Variants in PALD1 observed in about 807,000 individuals in gnomAD.
PALD1 encodes phosphatase domain containing paladin 1, also known as paladin.
Under a neutral mutation model 96.0 loss-of-function variants are expected in PALD1, and 57 were observed. The ratio of observed to expected loss-of-function variants is 0.59; its 90% CI spans 0.48 to 0.74. PALD1 has a LOEUF of 0.74. Ranked by LOEUF, PALD1 falls within the 30% of genes least tolerant of loss-of-function variation. The probability of loss-of-function intolerance (pLI) is 0.00; values close to 1 mark genes in which losing one functional copy is unlikely to be tolerated. For missense variants in PALD1, 1,063 were observed against 1,143.7 expected (o/e 0.93, Z 1.02); for synonymous variants, 464 against 473.6 (o/e 0.98, Z 0.26).
Position 70,534,476 on chromosome 10 carries a change from C to G in PALD1, c.1074C>G (p.Ile358Met). 3 of 1,613,124 alleles carry G rather than the reference C, an allele frequency of 1.9e-6. No homozygotes were observed. Among genetic ancestry groups the G allele is most frequent in the Non-Finnish European group, 1.7e-6 (2 of 1,179,660 alleles). ...KPLPMEQFQV[I>M]QSFLRMVPQG... The stretch of plus-strand genomic sequence containing the variant: ...TGCCTATGGAGCAGTTCCAGGTGAT[C>G]CAGAGCTTTCTCCGCATGGTGCCCC... The change falls in exon 9 of 20, where the codon ATC becomes ATG. Residue 358 changes from isoleucine to methionine, a missense_variant. Physicochemically the swap from Ile to Met is conservative, Grantham distance 10. Coordinates refer to ENST00000263563, the MANE Select transcript of PALD1 (RefSeq NM_014431.3).
intron 1 of PALD1, among the ~76,000 whole-genome samples, chr10:70,493,081 C>T (rs1021974392): frequency 6.6e-6 from 1 of 152,158 alleles, no homozygotes; most frequent in Non-Finnish European, 1.5e-5. Flanking sequence ...GGCTGCCTGC[C>T]CCCCTACCTT....
chr10:70,524,746 A>C (rs1435264722), intron 1 of PALD1, among the ~76,000 whole-genome samples: 1 of 152,096 alleles, frequency 6.6e-6, no homozygotes, highest in Non-Finnish European at 1.5e-5. Flanking sequence ...GCTGTTTAAC[A>C]TTCTACCCTA....
At chr10:70,489,761 TACA>T (rs373605643) in intron 1 of PALD1, among the ~76,000 whole-genome samples, 2 of 152,306 alleles carry the variant, frequency 1.3e-5, no homozygotes, top group African/African-American at 2.4e-5. Context: ...AGTCTAATTT[TACA>T]ACATTTTCAT....
intron 5 of PALD1, among the ~76,000 whole-genome samples, chr10:70,532,033 G>A (rs1847004130): frequency 6.6e-6 from 1 of 151,750 alleles, no homozygotes; most frequent in Admixed American, 6.6e-5. Flanking sequence ...AGTGAAAAGA[G>A]CGCTAGACCA....
upstream of PALD1, among the ~76,000 whole-genome samples, chr10:70,474,946 C>A (rs1404635770): frequency 6.6e-6 from 1 of 152,090 alleles, no homozygotes; most frequent in Non-Finnish European, 1.5e-5. Flanking sequence ...GGAGGAGGAA[C>A]CTGAACTCAG....
chr10:70,565,523 G>A (rs912692437), intron 19 of PALD1, among the ~76,000 whole-genome samples: 5 of 152,212 alleles, frequency 3.3e-5, no homozygotes, highest in African/African-American at 1.2e-4. Flanking sequence ...AGCAGGGGCC[G>A]GTGACCTGGC....
chr10:70,519,003 A>C (rs1263554572), intron 1 of PALD1, among the ~76,000 whole-genome samples: 2 of 152,252 alleles, frequency 1.3e-5, no homozygotes, highest in Non-Finnish European at 2.9e-5. Flanking sequence ...AGGAGCCCTG[A>C]GTCCCAATTC....
the PALD1 span, among the ~76,000 whole-genome samples, chr10:70,459,482 C>T: frequency 6.6e-6 from 1 of 152,004 alleles, no homozygotes; most frequent in East Asian, 1.9e-4. Context: ...GTCTGCTGTC[C>T]TCTGTGGCAC....
intron 1 of PALD1, among the ~76,000 whole-genome samples, chr10:70,508,827 GTGGGAGCTGCGGAACC>G (rs1432406633): frequency 1.3e-3 from 71 of 54,054 alleles, no homozygotes; most frequent in Non-Finnish European, 1.8e-3. Context: ...GTGCAGGCCT[GTGGGAGCTGCGGAACC>G]TGTGTGTGTG....
At chr10:70,508,854 TGTGC>T (rs1846457685) in intron 1 of PALD1, among the ~76,000 whole-genome samples, 25 of 122,370 alleles carry the variant, frequency 2.0e-4, no homozygotes, top group Middle Eastern at 4.8e-3. Flanking sequence ...TGTGTGTGTG[TGTGC>T]AGGCCTGTGG....
chr10:70,490,109 G>A (rs576541395), intron 1 of PALD1, among the ~76,000 whole-genome samples: 19 of 152,138 alleles, frequency 1.2e-4, no homozygotes, highest in Non-Finnish European at 2.6e-4. Flanking sequence ...TTTTAGTAGA[G>A]ATGAGGTTTC....
intron 1 of PALD1, among the ~76,000 whole-genome samples, chr10:70,505,620 AAAACAAAACAAAAC>A (rs1232541959): frequency 1.0e-5 from 1 of 98,562 alleles, no homozygotes; most frequent in Non-Finnish European, 2.3e-5. Flanking sequence ...AAAACAAAAC[AAAACAAAACAAAAC>A]AAAACAAAAC....
At chr10:70,552,970 C>A (rs998225959) in intron 18 of PALD1, among the ~76,000 whole-genome samples, 11 of 152,132 alleles carry the variant, frequency 7.2e-5, no homozygotes, top group Non-Finnish European at 1.3e-4. Flanking sequence ...TAGTTGCACC[C>A]CTAGGTTTAA....
At chr10:70,464,962 TA>T in the PALD1 span, among the ~76,000 whole-genome samples, 1 of 148,336 alleles carries the variant, frequency 6.7e-6, no homozygotes, top group African/African-American at 2.5e-5. Context: ...TGTATGTATG[TA>T]TGTATGTATG....
chr10:70,537,410 C>T (rs1847137123), intron 10 of PALD1, among the ~76,000 whole-genome samples: 1 of 152,230 alleles, frequency 6.6e-6, no homozygotes, highest in African/African-American at 2.4e-5. Context: ...AGCCAGGTTC[C>T]AGTTCTTAAG....
At chr10:70,485,975 G>T in intron 1 of PALD1, 1 of 197,778 alleles carries the variant, frequency 5.1e-6, no homozygotes, top group South Asian at 1.0e-4. Context: ...AGTTATCCAA[G>T]AACATCTTCG....
At chr10:70,465,422 G>A in the PALD1 span, among the ~76,000 whole-genome samples, 1 of 152,192 alleles carries the variant, frequency 6.6e-6, no homozygotes, top group Non-Finnish European at 1.5e-5. Context: ...TGGTACTGCT[G>A]ACTCTGTAGA....
Position 70,539,382 on chromosome 10 carries a change from TG to T in PALD1, c.1725+137del, listed in dbSNP as rs941372390. The stretch of plus-strand genomic sequence containing the variant: ...CCCCGGGAGGAGCAGTGTCAGGGAG[TG>T]GCCAACTCAGGATTCCCACTAAAGT... On this transcript the variant is annotated intron_variant, in intron 14 of 19. Coordinates refer to ENST00000263563, the MANE Select transcript of PALD1 (RefSeq NM_014431.3). This position sits in a 1 kb window ranked among gnomAD's most constrained non-coding sequence, Gnocchi z 4.5. 5 of 1,085,090 alleles carry T rather than the reference TG, an allele frequency of 4.6e-6. No individual in the cohort carries two copies. In the African/African-American group the frequency reaches 6.4e-5, roughly 14 times the overall value. The allele number at this position is 1,085,090 out of a possible 1,614,324, so 67.2% of individuals were successfully genotyped here.
At chr10:70,471,026 G>A in the PALD1 span, among the ~76,000 whole-genome samples, 1 of 151,760 alleles carries the variant, frequency 6.6e-6, no homozygotes, top group Non-Finnish European at 1.5e-5. Flanking sequence ...CACCATGTTG[G>A]CCAGGCTGGC....
Sources: allele counts gnomAD v4.1 joint callset (sites outside exome capture counted in the v4.1 genomes callset), GRCh38; gene constraint gnomAD v4.1.1; non-coding constraint Gnocchi (gnomAD v3.1); transcripts MANE v1.5; gene names NCBI Gene and HGNC (gene_info 2026-07-23, HGNC 2026-07-21).